PDE10A: variants seen among roughly 807,000 people sequenced by gnomAD.
The protein encoded by PDE10A is cAMP and cAMP-inhibited cGMP 3',5'-cyclic phosphodiesterase 10A.
Under a neutral mutation model 97.7 loss-of-function variants are expected in PDE10A, and 39 were observed. The observed-to-expected ratio is 0.40, with a 90% CI of 0.31 to 0.52. The LOEUF (loss-of-function observed/expected upper bound fraction) is 0.52. PDE10A is among the 20% of genes least tolerant of loss of function. The pLI, the probability that PDE10A is intolerant of heterozygous loss-of-function variation, is 0.56. For synonymous variants in PDE10A, 371 were observed against 376.8 expected (o/e 0.98, Z 0.18); for missense variants, 731 against 1,047.8 (o/e 0.70, Z 4.17).
chr6:165,783,949 G>A (rs1778414753), intron 1 of PDE10A, among the ~76,000 whole-genome samples: 1 of 152,168 alleles, frequency 6.6e-6, no homozygotes, highest in African/African-American at 2.4e-5. Flanking sequence ...GCCGGGCGCG[G>A]TGGCTCACGC....
chr6:165,923,738 G>A (rs532221530), intron 1 of PDE10A, among the ~76,000 whole-genome samples: 23 of 152,156 alleles, frequency 1.5e-4, no homozygotes, highest in African/African-American at 5.3e-4. Context: ...ATTATACTCC[G>A]AGTATATAAC....
intron 15 of PDE10A, among the ~76,000 whole-genome samples, chr6:165,393,060 G>C (rs1445090566): frequency 6.6e-6 from 1 of 152,096 alleles, no homozygotes; most frequent in Admixed American, 6.6e-5. Flanking sequence ...AAAAATATCA[G>C]TATTAGTACA....
intron 1 of PDE10A, among the ~76,000 whole-genome samples, chr6:165,776,265 A>G (rs578143218): frequency 6.6e-6 from 1 of 152,350 alleles, no homozygotes; most frequent in Non-Finnish European, 1.5e-5. Context: ...ACTTTTCTAA[A>G]GTAAAAAAGG....
At chr6:165,391,566 C>G (rs1785717052) in intron 16 of PDE10A, among the ~76,000 whole-genome samples, 2 of 151,452 alleles carry the variant, frequency 1.3e-5, no homozygotes, top group Non-Finnish European at 3.0e-5. Context: ...TTTGTTAAGA[C>G]AAACAAATGA....
chr6:165,804,191 T>C (rs1457976503), intron 1 of PDE10A, among the ~76,000 whole-genome samples: 2 of 151,992 alleles, frequency 1.3e-5, no homozygotes, highest in African/African-American at 4.8e-5. Context: ...TGGAAATAGG[T>C]GTATTTGGGG....
rs1779508386 is a variant in PDE10A at position 165,819,465 on chromosome 6, C to T, written c.-615+168064G>A. Among the ~76,000 whole-genome samples the T allele has an allele frequency of 1.3e-5, 2 of 152,166 alleles. No homozygotes were observed. The highest frequency in any genetic ancestry group is 1.5e-5 in the Non-Finnish European group (1 of 68,034). ...CCAGACGGCCGCTGGCACCACTCTC[C>T]GAGACACGCTTGCACCCTGCACGTG... is the stretch of plus-strand genomic sequence containing the variant. On this transcript the variant is annotated intron_variant, in intron 1 of 19. Coordinates refer to the PDE10A transcript ENST00000366882. This position sits in a 1 kb window ranked among gnomAD's most constrained non-coding sequence, Gnocchi z 4.2.
At chr6:165,371,434 A>C (rs1446480845) in intron 18 of PDE10A, among the ~76,000 whole-genome samples, 1 of 152,152 alleles carries the variant, frequency 6.6e-6, no homozygotes, top group Non-Finnish European at 1.5e-5. Context: ...CTACCATGAG[A>C]GAATACTACA....
At chr6:165,986,691 G>C (rs924819394) in intron 1 of PDE10A, 1 of 152,202 alleles carries the variant, frequency 6.6e-6, no homozygotes, top group Non-Finnish European at 1.5e-5. Context: ...CCCCATTTGG[G>C]GGGGCGATGG....
intron 1 of PDE10A, among the ~76,000 whole-genome samples, chr6:165,624,618 A>G (rs1054286803): frequency 6.6e-6 from 1 of 152,168 alleles, no homozygotes; most frequent in African/African-American, 2.4e-5. Context: ...TTAAGTCCTA[A>G]TCTTGTACAA....
intron 3 of PDE10A, among the ~76,000 whole-genome samples, chr6:165,477,024 AGGATTAATATTGT>A (rs1260041604): frequency 1.3e-5 from 2 of 152,180 alleles, no homozygotes; most frequent in Non-Finnish European, 1.5e-5. Flanking sequence ...AATAAAGTAA[AGGATTAATATTGT>A]GGATTAGATG....
chr6:165,384,044 A>G (rs1785096624), intron 17 of PDE10A, among the ~76,000 whole-genome samples: 2 of 152,142 alleles, frequency 1.3e-5, no homozygotes, highest in African/African-American at 4.8e-5. Flanking sequence ...AAAGACTTGT[A>G]TATCCACTAA....
At chr6:165,382,996 G>C (rs895659493) in intron 17 of PDE10A, among the ~76,000 whole-genome samples, 2 of 152,120 alleles carry the variant, frequency 1.3e-5, no homozygotes, top group African/African-American at 2.4e-5. Flanking sequence ...ACAGCAAATT[G>C]TATCTAGTGC....
At chr6:165,871,263 T>C (rs957999254) in intron 1 of PDE10A, among the ~76,000 whole-genome samples, 7 of 152,322 alleles carry the variant, frequency 4.6e-5, no homozygotes, top group East Asian at 1.9e-4. Flanking sequence ...ATTATTGATA[T>C]AGGATGGATG....
At chr6:165,963,620 T>C (rs1175646720) in intron 1 of PDE10A, among the ~76,000 whole-genome samples, 1 of 152,184 alleles carries the variant, frequency 6.6e-6, no homozygotes, top group Non-Finnish European at 1.5e-5. Flanking sequence ...CAAGTTATTT[T>C]ACTAATAAAG....
intron 1 of PDE10A, among the ~76,000 whole-genome samples, chr6:165,669,764 A>T (rs4298321): frequency 0.86 from 131,013 of 152,216 alleles, 56,528 homozygotes; most frequent in Non-Finnish European, 0.89. Context: ...TCCTGCCCTA[A>T]ACTTTCCTGA....
intron 1 of PDE10A, among the ~76,000 whole-genome samples, chr6:165,732,212 A>G (rs1190775486): frequency 6.6e-6 from 1 of 152,184 alleles, no homozygotes; most frequent in African/African-American, 2.4e-5. Context: ...GCTTTGTTTC[A>G]ATGCTTTTCC....
chr6:165,425,845 A>G (rs538979013), intron 10 of PDE10A, among the ~76,000 whole-genome samples: 16 of 151,792 alleles, frequency 1.1e-4, no homozygotes, highest in African/African-American at 3.9e-4. Flanking sequence ...TGGAACTAAT[A>G]TATGAGTTCA....
Position 165,395,261 on chromosome 6 carries a change from G to A in PDE10A, c.2223C>T (p.Phe741=), listed in dbSNP as rs773851683. The A allele has an allele frequency of 6.2e-7, 1 of 1,611,286 alleles. No individual in the cohort carries two copies. The highest frequency in any genetic ancestry group is 8.5e-7 in the Non-Finnish European group (1 of 1,177,756). The change falls in exon 15 of 22, where the codon TTC becomes TTT. Residue 741 remains phenylalanine, a synonymous_variant. Transcript: ENST00000539869. ...PVRLCKEIEL[F]HFDIGPFENM... ...TTTCAAAAGGACCAATGTCAAAGTG[G>A]AATCTGAAATTTTAAAAGGGCAGTT... is the stretch of plus-strand genomic sequence containing the variant.
intron 1 of PDE10A, among the ~76,000 whole-genome samples, chr6:165,878,687 T>C (rs1383813540): frequency 6.6e-6 from 1 of 152,154 alleles, no homozygotes; most frequent in African/African-American, 2.4e-5. Context: ...ACAGGAACAT[T>C]GCAGGTATGA....
Sources: allele counts gnomAD v4.1 joint callset (sites outside exome capture counted in the v4.1 genomes callset), GRCh38; gene constraint gnomAD v4.1.1; non-coding constraint Gnocchi (gnomAD v3.1); transcripts MANE v1.5; gene names NCBI Gene and HGNC (gene_info 2026-07-23, HGNC 2026-07-21).